RSPH6A: variants seen among roughly 807,000 people sequenced by gnomAD.
The protein encoded by RSPH6A is radial spoke head protein 6 homolog A.
Under a neutral mutation model 66.1 loss-of-function variants are expected in RSPH6A, and 49 were observed. The observed-to-expected ratio is 0.74, with a 90% CI of 0.59 to 0.94. The LOEUF (loss-of-function observed/expected upper bound fraction) is 0.94, where lower values mean the gene tolerates loss of function less well. RSPH6A is among the 40% of genes least tolerant of loss of function. RSPH6A has a pLI of 0.00. For missense variants in RSPH6A, 977 were observed against 948.3 expected (o/e 1.03, Z -0.40); for synonymous variants, 419 against 402.4 (o/e 1.04, Z -0.49).
intron 3 of RSPH6A, among the ~76,000 whole-genome samples, chr19:45,803,158 G>T (rs955567984): frequency 6.8e-6 from 1 of 147,490 alleles, no homozygotes; most frequent in Non-Finnish European, 1.5e-5. Flanking sequence ...GCAGTGAGCC[G>T]AGATCACGCC....
At chr19:45,813,468 C>G (rs931887692) in intron 1 of RSPH6A, among the ~76,000 whole-genome samples, 4 of 152,104 alleles carry the variant, frequency 2.6e-5, no homozygotes, top group African/African-American at 9.7e-5. Flanking sequence ...CTCAACCTCC[C>G]GAGGAGCTGG....
Position 45,814,621 on chromosome 19 carries a change from T to A in RSPH6A, c.556A>T (p.Ser186Cys). The A allele has an allele frequency of 6.3e-7, 1 of 1,598,590 alleles. No homozygotes were observed. The highest frequency in any genetic ancestry group is 8.5e-7 in the Non-Finnish European group (1 of 1,172,198). The change falls in exon 1 of 6, where the codon AGT becomes TGT. Residue 186 changes from serine to cysteine, a missense_variant. By Grantham distance (112) the Ser-to-Cys change is moderately radical (BLOSUM62 -1). Coordinates refer to ENST00000221538, the MANE Select transcript of RSPH6A (RefSeq NM_030785.4). ...LPSELGFPHY[S>C]AQVPEPEPLE... ...GGCTCGGGCTCAGGCACCTGGGCAC[T>A]GTAGTGTGGGAAGCCCAGCTCAGAG...
rs146012403 is a variant in RSPH6A, at chr19:45,814,653, A to T, written c.524T>A (p.Phe175Tyr). 4 of 1,610,026 alleles carry T rather than the reference A, an allele frequency of 2.5e-6. No individual in the cohort carries two copies. The highest frequency in any genetic ancestry group is 3.4e-6 in the Non-Finnish European group (4 of 1,177,924). The change falls in exon 1 of 6, where the codon TTC becomes TAC. Residue 175 changes from phenylalanine (F) to tyrosine (Y), a missense_variant. Physicochemically the swap from Phe to Tyr is conservative, Grantham distance 22 (BLOSUM62 3). Transcript: ENST00000221538. The part of the protein sequence containing the change: ...PYIRDDPALQ[F>Y]LPSELGFPHY... ...TGGGAAGCCCAGCTCAGAGGGCAAGAACTGAAGGGCAGGGTCATCCCTTAT... is the reference window on the plus strand; with the variant it reads ...TGGGAAGCCCAGCTCAGAGGGCAAGTACTGAAGGGCAGGGTCATCCCTTAT...
Position 45,814,961 on chromosome 19 carries a change from G to A in RSPH6A, c.216C>T (p.Pro72=), listed in dbSNP as rs749680313. 1 of 1,613,922 alleles carries A rather than the reference G, an allele frequency of 6.2e-7. No homozygotes were observed. The highest frequency in any genetic ancestry group is 8.5e-7 in the Non-Finnish European group (1 of 1,180,040). The part of the protein sequence containing the change: ...SLSQQENLLM[P]QVFQAEEARL... ...GGGCTTCCTCAGCCTGGAAGACCTGGGGCATCAGCAAGTTCTCCTGTTGGG... is the reference window on the plus strand; with the variant it reads ...GGGCTTCCTCAGCCTGGAAGACCTGAGGCATCAGCAAGTTCTCCTGTTGGG... Residue 72 remains proline, a synonymous_variant, in exon 1 of 6, where the codon CCC becomes CCT. Coordinates refer to ENST00000221538, the MANE Select transcript of RSPH6A (RefSeq NM_030785.4).
rs903315294 is a variant in RSPH6A, at chr19:45,804,507, T to G, written c.1398A>C (p.Pro466=). ...CCGGGAAGGGTGGGTAGCTGACGACTGGCGTGTCCAGGTAGCCTGTGAAGA... is the reference window on the plus strand; with the variant it reads ...CCGGGAAGGGTGGGTAGCTGACGACGGGCGTGTCCAGGTAGCCTGTGAAGA... The part of the protein sequence containing the change: ...KKFFTGYLDT[P]VVSYPPFPGN... Residue 466 remains proline, a synonymous_variant, in exon 3 of 6, where the codon CCA becomes CCC. Coordinates refer to ENST00000221538, the MANE Select transcript of RSPH6A (RefSeq NM_030785.4). The surrounding 1 kb of genome is among the most constrained non-coding windows in gnomAD (Gnocchi z 5.8). The G allele has an allele frequency of 6.2e-7, 1 of 1,614,202 alleles. No homozygotes were observed. Among genetic ancestry groups the G allele is most frequent in the Admixed American group, 1.7e-5 (1 of 60,028 alleles).
intron 2 of RSPH6A, among the ~76,000 whole-genome samples, chr19:45,805,757 C>T (rs756777659): frequency 1.2e-4 from 19 of 152,142 alleles, no homozygotes; most frequent in Non-Finnish European, 2.6e-4. Flanking sequence ...GCTCAGGCCA[C>T]TTGTGCTGGC....
At chr19:45,813,222 C>A (rs558966616) in intron 1 of RSPH6A, among the ~76,000 whole-genome samples, 1 of 152,246 alleles carries the variant, frequency 6.6e-6, no homozygotes, top group Admixed American at 6.5e-5. Context: ...GCCTCAGAGC[C>A]TTTGCATTTG....
intron 2 of RSPH6A, among the ~76,000 whole-genome samples, chr19:45,809,884 TAA>T (rs746859372): frequency 1.3e-5 from 2 of 152,096 alleles, no homozygotes; most frequent in Non-Finnish European, 2.9e-5. Context: ...ACGAGAGAAA[TAA>T]GAGCCTTGCC....
chr19:45,796,018 A>T lies in RSPH6A; in HGVS notation c.2005T>A (p.Tyr669Asn). The T allele has an allele frequency of 6.2e-7, 1 of 1,611,206 alleles. No individual in the cohort carries two copies. Among genetic ancestry groups the T allele is most frequent in the South Asian group, 1.1e-5 (1 of 90,912 alleles). The change falls in exon 6 of 6, where the codon TAC becomes AAC. Residue 669 changes from tyrosine to asparagine, a missense_variant. Coordinates refer to ENST00000221538, the MANE Select transcript of RSPH6A (RefSeq NM_030785.4). ...TCCATGATCTCTGGGCCACTGGGGT[A>T]CTCTTGTTGAATGGGGGCTGGCAGG... ...PALPAPIQQEYPSGPEIMEMS... is the reference protein window; with the variant it reads ...PALPAPIQQENPSGPEIMEMS...
intron 2 of RSPH6A, 87 bp from the exon 3 acceptor site, chr19:45,805,103 A>T: frequency 5.1e-6 from 6 of 1,183,752 alleles, no homozygotes; most frequent in Middle Eastern, 4.0e-4. Flanking sequence ...TAGAGTCAAG[A>T]GAGCTAAAAG....
At chr19:45,806,615 G>A (rs1970546445) in intron 2 of RSPH6A, among the ~76,000 whole-genome samples, 1 of 140,168 alleles carries the variant, frequency 7.1e-6, no homozygotes, top group Non-Finnish European at 1.5e-5. Context: ...AGCTTGCAGT[G>A]AGTGGAGATT....
At chr19:45,798,796 G>T (rs1450547124) in intron 5 of RSPH6A, among the ~76,000 whole-genome samples, 1 of 149,832 alleles carries the variant, frequency 6.7e-6, no homozygotes, top group African/African-American at 2.5e-5. Flanking sequence ...CCGAGATCGC[G>T]CCACTGCACT....
Position 45,814,872 on chromosome 19 carries a change from G to C in RSPH6A, c.305C>G (p.Pro102Arg), listed in dbSNP as rs529199371. The change falls in exon 1 of 6, where the codon CCT becomes CGT. Residue 102 changes from proline (P) to arginine (R), a missense_variant. Pro to Arg is a moderately radical substitution (Grantham distance 103). Coordinates refer to ENST00000221538, the MANE Select transcript of RSPH6A (RefSeq NM_030785.4). ...CTGCATCCTGCTTTCATCAGAGTAA[G>C]GCTGAGGCTGGAACTCTGAGGGAAA... ...TGFPSEFQPQPYSDESRMQVA... is the reference protein window; with the variant it reads ...TGFPSEFQPQRYSDESRMQVA... 1 of 1,614,080 alleles carries C rather than the reference G, an allele frequency of 6.2e-7. No individual in the cohort carries two copies. The highest frequency in any genetic ancestry group is 1.3e-5 in the African/African-American group (1 of 75,058).
At chr19:45,798,012 G>A (rs1970426649) in intron 5 of RSPH6A, among the ~76,000 whole-genome samples, 2 of 152,110 alleles carry the variant, frequency 1.3e-5, no homozygotes, top group Admixed American at 1.3e-4. Context: ...AGGAATAGAT[G>A]GGAGGAAAGG....
chr19:45,806,161 G>A (rs558966655), intron 2 of RSPH6A, among the ~76,000 whole-genome samples: 12 of 152,232 alleles, frequency 7.9e-5, no homozygotes, highest in South Asian at 2.1e-4. Context: ...GGTCTCGAAC[G>A]GAGGAGTCAG....
chr19:45,807,465 T>C (rs1357357064), intron 2 of RSPH6A, among the ~76,000 whole-genome samples: 1 of 151,828 alleles, frequency 6.6e-6, no homozygotes, highest in Admixed American at 6.6e-5. Context: ...TCCACCCACC[T>C]TGGCCTCCCA....
chr19:45,814,622 G>A lies in RSPH6A; in HGVS notation c.555C>T (p.Tyr185=), dbSNP rs1187064870. ...GCTCGGGCTCAGGCACCTGGGCACT[G>A]TAGTGTGGGAAGCCCAGCTCAGAGG... is the stretch of plus-strand genomic sequence containing the variant. The part of the protein sequence containing the change: ...FLPSELGFPH[Y]SAQVPEPEPL... The change falls in exon 1 of 6, where the codon TAC becomes TAT. Residue 185 remains tyrosine (Y), a synonymous_variant. Transcript: ENST00000221538. 1 of 1,600,290 alleles carries A rather than the reference G, an allele frequency of 6.2e-7. No homozygotes were observed. Among genetic ancestry groups the A allele is most frequent in the Non-Finnish European group, 8.5e-7 (1 of 1,172,984 alleles).
chr19:45,802,033 G>A (rs1970479945), intron 4 of RSPH6A, 87 bp downstream of exon 4: 1 of 1,284,348 alleles, frequency 7.8e-7, no homozygotes, highest in Non-Finnish European at 1.0e-6. Context: ...AAGGACCGGG[G>A]AGATGGACCC....
intron 5 of RSPH6A, among the ~76,000 whole-genome samples, chr19:45,799,646 G>A (rs1970445895): frequency 6.6e-6 from 1 of 151,958 alleles, no homozygotes; most frequent in Non-Finnish European, 1.5e-5. Context: ...CCAGAGTGCT[G>A]GGATTACAGG....
Sources: gnomAD v4.1 joint callset for allele counts (sites outside exome capture counted in the v4.1 genomes callset) on GRCh38, gnomAD v4.1.1 for gene constraint, Gnocchi (gnomAD v3.1) non-coding constraint, MANE v1.5 for transcripts, NCBI Gene and HGNC (gene_info 2026-07-23, HGNC 2026-07-21) for gene names.